The following ASPHD1 variants were observed in gnomAD, a reference collection of about 807,000 sequenced individuals.
The protein encoded by ASPHD1 is aspartate beta-hydroxylase domain-containing protein 1.
ASPHD1 carries 20 observed loss-of-function variants against 28.3 expected under a neutral mutation model. The observed-to-expected ratio is 0.71, with a 90% CI of 0.50 to 1.03. ASPHD1 has a LOEUF of 1.03. ASPHD1 is among the 50% of genes least tolerant of loss of function. ASPHD1 has a pLI of 0.00. For synonymous variants in ASPHD1, 240 were observed against 221.2 expected (o/e 1.08, Z -0.75); for missense variants, 479 against 524.1 (o/e 0.91, Z 0.84).
At chr16:29,913,835 CTT>C (rs1026529711) in intron 3 of ASPHD1, 1 of 152,106 alleles carries the variant, frequency 6.6e-6, no homozygotes, top group Non-Finnish European at 1.5e-5. Flanking sequence ...GCCTCATTGT[CTT>C]TTTTATTTTT....
chr16:29,906,629 G>C, downstream of ASPHD1: 1 of 667,286 alleles, frequency 1.5e-6, no homozygotes, highest in Admixed American at 2.0e-5. Context: ...AGGACGCAGG[G>C]CCAGGGTGGG....
At chr16:29,906,765 G>C, downstream of ASPHD1, 4 of 904,124 alleles carry the variant, frequency 4.4e-6, no homozygotes, top group Admixed American at 2.1e-5. Flanking sequence ...GGACAGAGGA[G>C]GACCCACGAC....
rs1296100000 is a variant in ASPHD1, at chr16:29,901,057, A to G, written c.86A>G (p.Asn29Ser). 1 of 1,602,622 alleles carries G rather than the reference A, an allele frequency of 6.2e-7. No homozygotes were observed. Among genetic ancestry groups the G allele is most frequent in the Non-Finnish European group, 8.5e-7 (1 of 1,174,786 alleles). The change falls in exon 1 of 3, where the codon AAC (asparagine) becomes AGC (serine). Residue 29 changes from asparagine (N) to serine (S), a missense_variant. By Grantham distance (46) the Asn-to-Ser change is conservative. Coordinates refer to ENST00000308748, the MANE Select transcript of ASPHD1 (RefSeq NM_181718.4). The surrounding 1 kb of genome is among the most constrained non-coding windows in gnomAD (Gnocchi z 5.1). ...GCCCAGAGTGGAATGTGGAAGGGAA[A>G]CAGTCCAGCGGGGAGCCAGGGGGCA... ...ETAQSGMWKGNSPAGSQGAAM... is the reference protein window; with the variant it reads ...ETAQSGMWKGSSPAGSQGAAM...
intron 1 of ASPHD1, among the ~76,000 whole-genome samples, chr16:29,903,414 G>A (rs574829327): frequency 6.6e-6 from 1 of 151,942 alleles, no homozygotes; most frequent in Non-Finnish European, 1.5e-5. Flanking sequence ...CTGAACTCAA[G>A]TGATCCTCCT....
At chr16:29,910,754 A>G (rs1432232311), downstream of ASPHD1, among the ~76,000 whole-genome samples, 1 of 152,134 alleles carries the variant, frequency 6.6e-6, no homozygotes, top group Non-Finnish European at 1.5e-5. Context: ...AACCCATCCA[A>G]CAGGCCTAGG....
chr16:29,905,067 C>T, intron 2 of ASPHD1, 102 bp downstream of exon 2: 1 of 791,332 alleles, frequency 1.3e-6, no homozygotes, highest in Non-Finnish European at 2.1e-6. Flanking sequence ...CCTGTCCTAC[C>T]ACCACCATCT....
chr16:29,912,181 C>T, intron 3 of ASPHD1: 1 of 676,336 alleles, frequency 1.5e-6, no homozygotes, highest in Admixed American at 2.8e-5. Context: ...AGGCTCCAAG[C>T]TCCGCCAGCC....
Position 29,901,321 on chromosome 16 carries a change from G to A in ASPHD1, c.350G>A (p.Gly117Asp), listed in dbSNP as rs756577882. ...GAGSRAGGVR[G>D]GPVGCSEAGG... The stretch of plus-strand genomic sequence containing the variant: ...GGGAGCCGAGCTGGGGGTGTTCGTG[G>A]TGGGCCTGTGGGATGCTCGGAGGCC... The change falls in exon 1 of 3, where the codon GGT becomes GAT. Residue 117 changes from glycine (G) to aspartate (D), a missense_variant. Transcript: ENST00000308748. The surrounding 1 kb of genome is among the most constrained non-coding windows in gnomAD (Gnocchi z 5.1). 2.5e-6 allele frequency: 4 copies of A among 1,609,452 alleles called. No individual in the cohort carries two copies. In the South Asian group the frequency reaches 4.4e-5, roughly 18 times the overall value.
Position 29,900,862 on chromosome 16 carries a change from G to A in ASPHD1, c.-110G>A. Reference sequence around the variant, plus strand: ...AGAGAAGCAGAGCGAGAGAGAGGAGGCTGCTGGAAGGAGAAAGAAGAGGGT... The same window carrying A: ...AGAGAAGCAGAGCGAGAGAGAGGAGACTGCTGGAAGGAGAAAGAAGAGGGT... On this transcript the variant is annotated 5_prime_UTR_variant, in exon 1 of 3. Transcript: ENST00000308748. 1.1e-6 allele frequency: 1 copy of A among 932,986 alleles called. No homozygotes were observed. Among genetic ancestry groups the A allele is most frequent in the Non-Finnish European group, 1.6e-6 (1 of 613,722 alleles). 57.8% of individuals were successfully genotyped at this position (932,986 alleles called of 1,614,324 possible). A position where few individuals can be genotyped will look rare whatever the true frequency, so the allele number is the denominator to read the frequency against.
intron 1 of ASPHD1, 105 bp downstream of exon 1, chr16:29,902,025 C>A: frequency 1.1e-6 from 1 of 935,044 alleles, no homozygotes; most frequent in South Asian, 2.6e-5. Context: ...TTGTGCCTCT[C>A]TTCTTCCATG....
chr16:29,902,036 G>T, intron 1 of ASPHD1, 116 bp downstream of exon 1: 1 of 774,842 alleles, frequency 1.3e-6, no homozygotes, highest in East Asian at 3.3e-5. Flanking sequence ...TTCTTCCATG[G>T]CTCCCTGTTG....
At chr16:29,910,713 C>T (rs1414136419), downstream of ASPHD1, among the ~76,000 whole-genome samples, 8 of 152,132 alleles carry the variant, frequency 5.3e-5, no homozygotes, top group Non-Finnish European at 1.0e-4. Context: ...AATGCATACA[C>T]CCCCATTTCA....
downstream of ASPHD1, chr16:29,906,620 G>A (rs978716519): frequency 1.5e-6 from 1 of 656,924 alleles, no homozygotes; most frequent in Non-Finnish European, 2.8e-6. Context: ...GGAGAGGGAA[G>A]GACGCAGGGC....
chr16:29,913,466 TTATC>T (rs1198848192), intron 3 of ASPHD1: 1 of 152,196 alleles, frequency 6.6e-6, no homozygotes, highest in Non-Finnish European at 1.5e-5. Context: ...TATGAATTCG[TTATC>T]TATCACTGTG....
chr16:29,911,885 A>T, intron 3 of ASPHD1: 1 of 1,611,866 alleles, frequency 6.2e-7, no homozygotes, highest in Non-Finnish European at 8.5e-7. Flanking sequence ...GGGAGAGAGG[A>T]TGGACGAGAG....
At chr16:29,911,422 C>T (rs890004512) in intron 3 of ASPHD1, 7 of 563,118 alleles carry the variant, frequency 1.2e-5, no homozygotes, top group African/African-American at 3.8e-5. Flanking sequence ...GCCACCTCCC[C>T]GGGGGTCCTG....
chr16:29,903,896 T>G (rs1443166687), intron 1 of ASPHD1, among the ~76,000 whole-genome samples: 1 of 152,122 alleles, frequency 6.6e-6, no homozygotes, highest in Non-Finnish European at 1.5e-5. Flanking sequence ...AGGAACGTCT[T>G]TAATCTTATA....
At chr16:29,902,170 CG>C (rs1195624063) in intron 1 of ASPHD1, among the ~76,000 whole-genome samples, 1 of 152,186 alleles carries the variant, frequency 6.6e-6, no homozygotes, top group Non-Finnish European at 1.5e-5. Flanking sequence ...TTTTGTTCTA[CG>C]TATTTAAAAG....
chr16:29,909,226 A>C (rs1003052387), downstream of ASPHD1, among the ~76,000 whole-genome samples: 1 of 152,134 alleles, frequency 6.6e-6, no homozygotes, highest in African/African-American at 2.4e-5. Context: ...GTCTTTAGCT[A>C]TGAAGGGAGT....
Sources: allele counts gnomAD v4.1 joint callset (sites outside exome capture counted in the v4.1 genomes callset), GRCh38; gene constraint gnomAD v4.1.1; non-coding constraint Gnocchi (gnomAD v3.1); transcripts MANE v1.5; gene names NCBI Gene and HGNC (gene_info 2026-07-23, HGNC 2026-07-21).